ADGRL3: variants seen among roughly 807,000 people sequenced by gnomAD.
ADGRL3 encodes the protein calcium-independent alpha-latrotoxin receptor 3.
Under a neutral mutation model 153.5 loss-of-function variants are expected in ADGRL3, and 62 were observed. That is an observed-to-expected ratio of 0.40 (90% CI 0.33 to 0.50). The LOEUF (loss-of-function observed/expected upper bound fraction) is 0.50. ADGRL3 is among the 20% of genes least tolerant of loss of function. ADGRL3 has a pLI of 0.47. For synonymous variants in ADGRL3, 710 were observed against 672.5 expected (o/e 1.06, Z -0.86); for missense variants, 1,641 against 1,859.4 (o/e 0.88, Z 2.16).
chr4:61,662,890 A>AAC (rs905952282), intron 5 of ADGRL3, among the ~76,000 whole-genome samples: 6 of 152,078 alleles, frequency 3.9e-5, no homozygotes, highest in Non-Finnish European at 8.8e-5. Flanking sequence ...CTGAAAGCTG[A>AAC]ACACTCATCA....
At chr4:61,828,496 T>C (rs1197497704) in intron 9 of ADGRL3, among the ~76,000 whole-genome samples, 3 of 152,206 alleles carry the variant, frequency 2.0e-5, no homozygotes, top group Non-Finnish European at 2.9e-5. Context: ...ATACAGAAAT[T>C]TGATGTTGGT....
intron 17 of ADGRL3, among the ~76,000 whole-genome samples, chr4:61,963,613 T>A (rs184128774): frequency 1.8e-3 from 281 of 152,318 alleles, no homozygotes; most frequent in African/African-American, 6.5e-3. Flanking sequence ...TATGGCTGCA[T>A]AGTATTTTAT....
At chr4:61,749,214 A>G (rs1043417356) in intron 8 of ADGRL3, among the ~76,000 whole-genome samples, 55 of 151,974 alleles carry the variant, frequency 3.6e-4, no homozygotes, top group Middle Eastern at 3.4e-3. Context: ...GAAACAACAG[A>G]TGCTGGAGAG....
In ADGRL3 at chr4:61,895,881, C is replaced by T. The variant is rs1351302771; in HGVS notation, c.1887+47C>T. ...AAAGTCTTTGCTAAAACTATATCAT[C>T]TGTTGTTGATGATAGCTGTTGGAAA... On this transcript the variant is annotated intron_variant, in intron 11 of 26. Transcript: ENST00000683033. 1.3e-5 allele frequency: 14 copies of T among 1,094,674 alleles called. No homozygotes were observed. The South Asian group carries it at 2.2e-4, about 17-fold the overall frequency. 67.8% of individuals were successfully genotyped at this position (1,094,674 alleles called of 1,614,324 possible).
chr4:61,451,048 G>T (rs978050040), intron 2 of ADGRL3, among the ~76,000 whole-genome samples: 5 of 152,184 alleles, frequency 3.3e-5, no homozygotes, highest in African/African-American at 1.2e-4. Flanking sequence ...CTTACTGTTT[G>T]CTGATCATTG....
intron 8 of ADGRL3, among the ~76,000 whole-genome samples, chr4:61,742,003 C>T (rs2096585937): frequency 6.6e-6 from 1 of 152,190 alleles, no homozygotes; most frequent in Non-Finnish European, 1.5e-5. Flanking sequence ...GTAGCCATTT[C>T]ACTGCTCATT....
intron 17 of ADGRL3, among the ~76,000 whole-genome samples, chr4:61,978,087 T>C (rs561044439): frequency 6.6e-6 from 1 of 152,206 alleles, no homozygotes; most frequent in Admixed American, 6.5e-5. Flanking sequence ...AAATTGGGCT[T>C]AGTGTGGAAG....
intron 4 of ADGRL3, among the ~76,000 whole-genome samples, chr4:61,584,394 A>C (rs1205325259): frequency 6.6e-6 from 1 of 152,124 alleles, no homozygotes; most frequent in South Asian, 2.1e-4. Context: ...TTGGACCCCG[A>C]CATTTTAACT....
intron 17 of ADGRL3, among the ~76,000 whole-genome samples, chr4:61,964,820 A>G (rs1004747197): frequency 1.3e-5 from 2 of 151,986 alleles, no homozygotes; most frequent in African/African-American, 4.8e-5. Context: ...AGCATAATCA[A>G]TCAACCAAGC....
At chr4:62,008,217 G>T (rs183465967) in intron 21 of ADGRL3, among the ~76,000 whole-genome samples, 1 of 152,248 alleles carries the variant, frequency 6.6e-6, no homozygotes, top group East Asian at 1.9e-4. Flanking sequence ...GAGATCTTAG[G>T]TTGGGGAGGT....
At chr4:61,932,245 C>T (rs1458669410) in intron 13 of ADGRL3, among the ~76,000 whole-genome samples, 1 of 152,020 alleles carries the variant, frequency 6.6e-6, no homozygotes, top group Non-Finnish European at 1.5e-5. Flanking sequence ...AGAGTGGGCA[C>T]CTTTGCCTTG....
chr4:61,319,830 A>G (rs930868971), intron 1 of ADGRL3, among the ~76,000 whole-genome samples: 1 of 152,218 alleles, frequency 6.6e-6, no homozygotes, highest in East Asian at 1.9e-4. Context: ...CTTACATTTT[A>G]CATATAAAAT....
chr4:61,379,720 T>C (rs980178782), intron 1 of ADGRL3, among the ~76,000 whole-genome samples: 55 of 152,044 alleles, frequency 3.6e-4, no homozygotes, highest in Admixed American at 3.5e-3. Flanking sequence ...ATATTTTCCA[T>C]CTTAATTCCA....
intron 8 of ADGRL3, among the ~76,000 whole-genome samples, chr4:61,790,419 A>C (rs914475976): frequency 6.6e-6 from 1 of 152,194 alleles, no homozygotes; most frequent in African/African-American, 2.4e-5. Context: ...GGATGATACC[A>C]AAGCTTATAT....
At chr4:62,004,072 A>G (rs563781146) in intron 21 of ADGRL3, among the ~76,000 whole-genome samples, 34 of 152,248 alleles carry the variant, frequency 2.2e-4, no homozygotes, top group African/African-American at 7.9e-4. Context: ...ACAAGTCAGA[A>G]TTACATTCAG....
rs757776696 is a variant in ADGRL3 at position 61,733,088 on chromosome 4, C to T, written c.933C>T (p.Ile311=). 6.2e-7 allele frequency: 1 copy of T among 1,613,512 alleles called. No homozygotes were observed. The highest frequency in any genetic ancestry group is 8.5e-7 in the Non-Finnish European group (1 of 1,179,754). ...LRTRIKSGEA[I]IANANYHDTS... Reference sequence around the variant, plus strand: ...CTAGGATAAAGAGTGGAGAGGCTATCATAGCAAATGCCAATTACCATGATA... The same window carrying T: ...CTAGGATAAAGAGTGGAGAGGCTATTATAGCAAATGCCAATTACCATGATA... Residue 311 remains isoleucine (I), a synonymous_variant, in exon 8 of 27, where the codon ATC becomes ATT. Transcript: ENST00000683033.
At chr4:61,345,605 A>G (rs1293571197) in intron 1 of ADGRL3, among the ~76,000 whole-genome samples, 1 of 152,196 alleles carries the variant, frequency 6.6e-6, no homozygotes, top group East Asian at 1.9e-4. Context: ...GGACAATTGC[A>G]TATATATTAT....
At chr4:61,557,431 T>G (rs867261351) in intron 4 of ADGRL3, among the ~76,000 whole-genome samples, 2 of 152,176 alleles carry the variant, frequency 1.3e-5, no homozygotes, top group Non-Finnish European at 2.9e-5. Flanking sequence ...CACCAGGAAT[T>G]GCTGGAATCC....
At chr4:61,509,941 C>CT (rs575950730) in intron 3 of ADGRL3, among the ~76,000 whole-genome samples, 1 of 152,136 alleles carries the variant, frequency 6.6e-6, no homozygotes, top group East Asian at 1.9e-4. Flanking sequence ...TATTTTTTGT[C>CT]TTTTTAATAA....
Sources: allele counts gnomAD v4.1 joint callset (sites outside exome capture counted in the v4.1 genomes callset), GRCh38; gene constraint gnomAD v4.1.1; transcripts MANE v1.5; gene names NCBI Gene and HGNC (gene_info 2026-07-23, HGNC 2026-07-21).